The following RSAD2 variants were observed in gnomAD, a reference collection of about 807,000 sequenced individuals.
RSAD2 encodes the protein radical S-adenosyl methionine domain containing 2, also known as S-adenosylmethionine-dependent nucleotide dehydratase RSAD2.
A neutral mutation model predicts 37.7 loss-of-function variants in RSAD2; 38 were observed. The observed-to-expected ratio is 1.01, with a 90% CI of 0.78 to 1.32. The LOEUF is 1.32. Ranked by LOEUF, RSAD2 falls within the 40% of genes most tolerant of loss-of-function variation. The probability of loss-of-function intolerance (pLI) is 0.00; values close to 1 mark genes in which losing one functional copy is unlikely to be tolerated. For synonymous variants in RSAD2, 163 were observed against 157.4 expected (o/e 1.04, Z -0.27); for missense variants, 428 against 437.5 (o/e 0.98, Z 0.19).
At chr2:6,876,315 G>C (rs1194676913), upstream of RSAD2, among the ~76,000 whole-genome samples, 1 of 152,084 alleles carries the variant, frequency 6.6e-6, no homozygotes, top group African/African-American at 2.4e-5. Flanking sequence ...TAAGCATTTG[G>C]AGCCTCTTTA....
intron 1 of RSAD2, chr2:6,879,021 T>C (rs779863229): frequency 1.5e-5 from 7 of 463,522 alleles, no homozygotes; most frequent in South Asian, 1.1e-4. Context: ...AAGTGCATGC[T>C]GCACTCCAGC....
Position 6,883,451 on chromosome 2 carries a change from T to C in RSAD2, c.427T>C (p.Cys143Arg). ...ATACCTGGGCAAGTTGGTGAGGTTC[T>C]GCAAAGTAGAGTTGCGGCTGCCCAG... ...GEYLGKLVRFCKVELRLPSVS... is the reference protein window; with the variant it reads ...GEYLGKLVRFRKVELRLPSVS... Residue 143 changes from cysteine (C) to arginine (R), a missense_variant, in exon 2 of 6, where the codon TGC becomes CGC. Physicochemically the swap from Cys to Arg is radical, Grantham distance 180 (BLOSUM62 -3). Coordinates refer to ENST00000382040, the MANE Select transcript of RSAD2 (RefSeq NM_080657.5). 1 of 1,614,222 alleles carries C rather than the reference T, an allele frequency of 6.2e-7. No homozygotes were observed. Among genetic ancestry groups the C allele is most frequent in the Non-Finnish European group, 8.5e-7 (1 of 1,180,046 alleles).
chr2:6,882,207 A>T (rs1663419249), intron 1 of RSAD2, among the ~76,000 whole-genome samples: 1 of 152,242 alleles, frequency 6.6e-6, no homozygotes, highest in African/African-American at 2.4e-5. Context: ...ATGAACAAAT[A>T]AAAACATCAA....
chr2:6,896,133 A>T lies in RSAD2; in HGVS notation c.*191A>T. 1 of 528,400 alleles carries T rather than the reference A, an allele frequency of 1.9e-6. No homozygotes were observed. Among genetic ancestry groups the T allele is most frequent in the African/African-American group, 1.9e-5 (1 of 53,202 alleles). The allele number at this position is 528,400 out of a possible 1,614,324, so 32.7% of individuals were successfully genotyped here. A position where few individuals can be genotyped will look rare whatever the true frequency, so the allele number is the denominator to read the frequency against. ...GATAGCAAATCCTGAGACAATGGAA[A>T]ACCATTAACTTTACTTCATTGGCTT... On this transcript the variant is annotated 3_prime_UTR_variant, in exon 6 of 6. Coordinates refer to ENST00000382040, the MANE Select transcript of RSAD2 (RefSeq NM_080657.5).
Position 6,890,205 on chromosome 2 carries a change from G to A in RSAD2, c.768G>A (p.Glu256=). 6.2e-7 allele frequency: 1 copy of A among 1,614,214 alleles called. No individual in the cohort carries two copies. Among genetic ancestry groups the A allele is most frequent in the African/African-American group, 1.3e-5 (1 of 75,050 alleles). ...KVFQCLLIEG[E]NCGEDALREA... Reference sequence around the variant, plus strand: ...TCCAGTGCCTCTTAATTGAGGGTGAGAATTGTGGAGAAGATGCTCTAAGAG... The same window carrying A: ...TCCAGTGCCTCTTAATTGAGGGTGAAAATTGTGGAGAAGATGCTCTAAGAG... Residue 256 remains glutamate, a synonymous_variant, in exon 4 of 6, where the codon GAG becomes GAA. Transcript: ENST00000382040.
intron 3 of RSAD2, among the ~76,000 whole-genome samples, chr2:6,889,056 C>T (rs1243829137): frequency 6.6e-6 from 1 of 152,240 alleles, no homozygotes; most frequent in Non-Finnish European, 1.5e-5. Flanking sequence ...CCCCTTCCAG[C>T]TCCTACGGCT....
At chr2:6,879,183 T>A in intron 1 of RSAD2, 1 of 410,202 alleles carries the variant, frequency 2.4e-6, no homozygotes, top group South Asian at 1.7e-5. Context: ...CAAAGCTGAT[T>A]GCTCAAATGA....
rs922411621 is a variant in RSAD2, at chr2:6,897,954, C to T, written c.*2012C>T. The T allele has an allele frequency of 7.0e-6, 1 of 143,632 alleles. No individual in the cohort carries two copies. The highest frequency in any genetic ancestry group is 2.6e-5 in the African/African-American group (1 of 38,174). The allele number at this position is 143,632 out of a possible 1,614,324, so 8.9% of individuals were successfully genotyped here. ...AGAGGTTACAGAGCCAAGATAGCGC[C>T]ACTGCACTCCAGCCTGGATGACAGA... On this transcript the variant is annotated 3_prime_UTR_variant, in exon 6 of 6. Transcript: ENST00000382040.
chr2:6,869,962 C>A lies in RSAD2; in HGVS notation c.142+3917C>A, dbSNP rs1663174741. ...TCTCCTGGGTCAACCAATCAAAACA[C>A]AATGGGATTGATTCATCAGAGCTCA... On this transcript the variant is annotated intron_variant, in intron 1 of 5. Transcript: ENST00000442639. Among the ~76,000 whole-genome samples, 5 of 152,310 alleles carry A rather than the reference C, an allele frequency of 3.3e-5. No individual in the cohort carries two copies. In the South Asian group the frequency reaches 1.0e-3, roughly 32 times the overall value.
chr2:6,877,564 A>G (rs1428225055), upstream of RSAD2: 2 of 543,872 alleles, frequency 3.7e-6, no homozygotes, highest in East Asian at 3.1e-5. Context: ...GGACTGAGGC[A>G]GCCGTGAGCA....
intron 1 of RSAD2, among the ~76,000 whole-genome samples, chr2:6,867,541 A>G (rs1040177714): frequency 4.6e-5 from 7 of 152,180 alleles, no homozygotes; most frequent in Non-Finnish European, 1.0e-4. Context: ...AGGCCTGAGC[A>G]TGAATTTTGG....
chr2:6,870,292 C>T (rs1663181541), intron 1 of RSAD2, among the ~76,000 whole-genome samples: 2 of 152,210 alleles, frequency 1.3e-5, no homozygotes, highest in Admixed American at 6.5e-5. Context: ...CCTTAACAAA[C>T]TCATTTGTGC....
intron 1 of RSAD2, among the ~76,000 whole-genome samples, chr2:6,870,702 A>G (rs1225741365): frequency 6.6e-6 from 1 of 152,054 alleles, no homozygotes; most frequent in Non-Finnish European, 1.5e-5. Context: ...CTCCATCCAG[A>G]CGCTGGAGAG....
chr2:6,874,779 C>G (rs765829259), upstream of RSAD2, among the ~76,000 whole-genome samples: 1 of 152,158 alleles, frequency 6.6e-6, no homozygotes, highest in Non-Finnish European at 1.5e-5. Context: ...AAAGTGGAAG[C>G]ATTTGCCTTT....
upstream of RSAD2, among the ~76,000 whole-genome samples, chr2:6,873,017 T>C (rs532998967): frequency 5.3e-5 from 8 of 152,318 alleles, 1 homozygote; most frequent in Admixed American, 5.2e-4. Context: ...AGGTTGTAAA[T>C]GCAGCTCTCT....
chr2:6,890,296 T>A lies in RSAD2; in HGVS notation c.859T>A (p.Ser287Thr), dbSNP rs1233942637. 6.2e-7 allele frequency: 1 copy of A among 1,614,220 alleles called. No individual in the cohort carries two copies. The highest frequency in any genetic ancestry group is 1.1e-5 in the South Asian group (1 of 91,080). The change falls in exon 4 of 6, where the codon TCC becomes ACC. Residue 287 changes from serine to threonine, a missense_variant. Transcript: ENST00000382040. The part of the protein sequence containing the change: ...ERFLERHKEV[S>T]CLVPESNQKM... ...ATTCTTGGAGCGCCACAAAGAAGTGTCCTGCTTGGTGCCTGAATCTAACCA... is the reference window on the plus strand; with the variant it reads ...ATTCTTGGAGCGCCACAAAGAAGTGACCTGCTTGGTGCCTGAATCTAACCA...
chr2:6,895,756 G>A, intron 5 of RSAD2, 22 bp from the exon 6 acceptor site: 1 of 1,604,774 alleles, frequency 6.2e-7, no homozygotes. Context: ...AAATATACCA[G>A]TTTCTGTTAT....
At chr2:6,885,467 T>G (rs1663499584) in intron 2 of RSAD2, among the ~76,000 whole-genome samples, 1 of 152,152 alleles carries the variant, frequency 6.6e-6, no homozygotes, top group African/African-American at 2.4e-5. Context: ...TTGCTCCAGG[T>G]TTATACACCT....
chr2:6,871,069 A>G (rs920805315), intron 1 of RSAD2, among the ~76,000 whole-genome samples: 41 of 152,346 alleles, frequency 2.7e-4, no homozygotes, highest in African/African-American at 9.9e-4. Flanking sequence ...CCTCCCAGAG[A>G]CAATGGGAAG....
Sources: allele counts gnomAD v4.1 joint callset (sites outside exome capture counted in the v4.1 genomes callset), GRCh38; gene constraint gnomAD v4.1.1; transcripts MANE v1.5; gene names NCBI Gene and HGNC (gene_info 2026-07-23, HGNC 2026-07-21).